RBFOX1: variants seen among roughly 807,000 people sequenced by gnomAD.
RBFOX1 encodes RNA binding fox-1 homolog 1.
Under a neutral mutation model 57.7 loss-of-function variants are expected in RBFOX1, and 8 were observed. The ratio of observed to expected loss-of-function variants is 0.14; its 90% CI spans 0.08 to 0.25. The LOEUF (loss-of-function observed/expected upper bound fraction) is 0.25, where lower values mean the gene tolerates loss of function less well. Among genes scored for constraint, RBFOX1 ranks in the 10% least tolerant of loss-of-function variants. RBFOX1 has a pLI of 1.00. For synonymous variants in RBFOX1, 326 were observed against 222.4 expected (o/e 1.47, Z -4.15); for missense variants, 611 against 548.5 (o/e 1.11, Z -1.14).
intron 1 of RBFOX1, among the ~76,000 whole-genome samples, chr16:5,362,514 C>G (rs1280924947): frequency 6.6e-6 from 1 of 152,228 alleles, no homozygotes; most frequent in East Asian, 1.9e-4. Context: ...AGGCATGCGC[C>G]AACACGCTTG....
At chr16:7,284,175 A>C (rs1324690729) in intron 4 of RBFOX1, among the ~76,000 whole-genome samples, 2 of 152,194 alleles carry the variant, frequency 1.3e-5, no homozygotes, top group African/African-American at 4.8e-5. Context: ...TTTATTCACT[A>C]GTTGAAGGGC....
At chr16:6,544,890 T>G (rs2096873976) in intron 2 of RBFOX1, among the ~76,000 whole-genome samples, 1 of 152,236 alleles carries the variant, frequency 6.6e-6, no homozygotes, top group Admixed American at 6.5e-5. Flanking sequence ...CCCAGTACCA[T>G]TGTTTGCACA....
chr16:5,243,078 T>C (rs1332002629), intron 1 of RBFOX1, among the ~76,000 whole-genome samples: 2 of 151,992 alleles, frequency 1.3e-5, no homozygotes, highest in African/African-American at 4.8e-5. Context: ...ACCCACCCCA[T>C]TGAGAAGGCC....
chr16:5,690,907 T>A (rs2050657221), intron 3 of RBFOX1, among the ~76,000 whole-genome samples: 1 of 152,162 alleles, frequency 6.6e-6, no homozygotes, highest in South Asian at 2.1e-4. Context: ...TTGGGGGAAC[T>A]GCTCATTCCC....
chr16:6,995,124 C>A lies in RBFOX1; in HGVS notation c.-15-56933C>A, dbSNP rs151170486. 2.4e-3 allele frequency among the ~76,000 whole-genome samples: 359 copies of A among 152,152 alleles called. 6 individuals are homozygous for A. The East Asian group carries it at 0.058, about 24-fold the overall frequency. The stretch of plus-strand genomic sequence containing the variant: ...AACAACCATAGTCTGTTATCTGTCA[C>A]CTGTAATTTAGGCTAATATCTCAAT... On this transcript the variant is annotated intron_variant, in intron 3 of 15. Coordinates refer to ENST00000550418, the MANE Select transcript of RBFOX1 (RefSeq NM_018723.4).
intron 2 of RBFOX1, among the ~76,000 whole-genome samples, chr16:5,477,404 C>A (rs1272984501): frequency 6.6e-6 from 1 of 152,156 alleles, no homozygotes; most frequent in African/African-American, 2.4e-5. Context: ...CAATCAAATA[C>A]CCAAAGAGCT....
chr16:7,378,668 A>G (rs750710317), intron 4 of RBFOX1, among the ~76,000 whole-genome samples: 4 of 152,070 alleles, frequency 2.6e-5, no homozygotes, highest in Admixed American at 6.5e-5. Flanking sequence ...TGACCTCCCA[A>G]TGTAGGCTTT....
intron 3 of RBFOX1, among the ~76,000 whole-genome samples, chr16:5,794,763 A>G (rs1459671964): frequency 1.3e-5 from 2 of 152,216 alleles, no homozygotes; most frequent in Admixed American, 6.5e-5. Flanking sequence ...GTGACTGAAC[A>G]TTAACATTTA....
At position 7,698,873 on chromosome 16, in the gene RBFOX1, A is replaced by G. The variant is rs79980582; in HGVS notation, c.996-10183A>G. ...TTGCTGCATGCAATAACAATACCCT[A>G]TAAAGTGTGTGCAATCAATTTGTGA... On this transcript the variant is annotated intron_variant, in intron 14 of 15. Transcript: ENST00000550418. 7.0e-3 allele frequency among the ~76,000 whole-genome samples: 1,073 copies of G among 152,308 alleles called. 11 individuals are homozygous for G. Among genetic ancestry groups the G allele is most frequent in the African/African-American group, 0.025 (1,028 of 41,564 alleles).
At chr16:7,304,430 A>T in intron 4 of RBFOX1, 1 of 985,390 alleles carries the variant, frequency 1.0e-6, no homozygotes, top group Non-Finnish European at 1.2e-6. Flanking sequence ...GCGCTCCCCA[A>T]CGTGGGCATG....
At chr16:5,440,471 A>G (rs1234589718) in intron 1 of RBFOX1, among the ~76,000 whole-genome samples, 1 of 152,246 alleles carries the variant, frequency 6.6e-6, no homozygotes, top group Non-Finnish European at 1.5e-5. Flanking sequence ...CAAAAGGACT[A>G]AAGTCTCTAG....
intron 4 of RBFOX1, among the ~76,000 whole-genome samples, chr16:7,322,891 G>A (rs1185466573): frequency 2.6e-5 from 4 of 152,020 alleles, no homozygotes; most frequent in African/African-American, 9.7e-5. Context: ...GTGTTCCCTG[G>A]TGATTAGCCC....
intron 3 of RBFOX1, among the ~76,000 whole-genome samples, chr16:5,690,099 C>T (rs1313521120): frequency 1.3e-5 from 2 of 152,170 alleles, no homozygotes; most frequent in African/African-American, 4.8e-5. Context: ...CCTGAGAGGC[C>T]AGCGAGGTCA....
chr16:6,716,543 C>G (rs950638204), intron 3 of RBFOX1, among the ~76,000 whole-genome samples: 1 of 152,244 alleles, frequency 6.6e-6, no homozygotes, highest in Non-Finnish European at 1.5e-5. Flanking sequence ...CTGCATAGAA[C>G]TTACTCTTCC....
At chr16:6,068,029 C>G (rs1462380238) in intron 1 of RBFOX1, among the ~76,000 whole-genome samples, 2 of 152,136 alleles carry the variant, frequency 1.3e-5, no homozygotes, top group African/African-American at 2.4e-5. Flanking sequence ...AAGATTTCCT[C>G]GATTTTCTTT....
At chr16:5,665,712 G>C (rs1389984401) in intron 3 of RBFOX1, among the ~76,000 whole-genome samples, 2 of 152,210 alleles carry the variant, frequency 1.3e-5, no homozygotes, top group Non-Finnish European at 2.9e-5. Context: ...TGTTTACTGA[G>C]TGTCCTGATC....
At chr16:5,898,039 C>T (rs144908012) in intron 4 of RBFOX1, among the ~76,000 whole-genome samples, 5 of 152,176 alleles carry the variant, frequency 3.3e-5, no homozygotes, top group East Asian at 1.9e-4. Context: ...AATTGACTCA[C>T]GGTTCTTCTT....
At chr16:5,269,080 A>G (rs1243906016) in intron 1 of RBFOX1, among the ~76,000 whole-genome samples, 1 of 152,076 alleles carries the variant, frequency 6.6e-6, no homozygotes. Context: ...ATGCCTGGCT[A>G]ATTTTTGTAT....
chr16:6,476,880 A>G (rs1246087634), intron 2 of RBFOX1, among the ~76,000 whole-genome samples: 1 of 152,178 alleles, frequency 6.6e-6, no homozygotes, highest in East Asian at 1.9e-4. Flanking sequence ...AGTGTATGTA[A>G]TATTCTACAT....
Sources: allele counts gnomAD v4.1 joint callset (sites outside exome capture counted in the v4.1 genomes callset), GRCh38; gene constraint gnomAD v4.1.1; transcripts MANE v1.5; gene names NCBI Gene and HGNC (gene_info 2026-07-23, HGNC 2026-07-21).